The following ZNF385D variants were observed in gnomAD, a reference collection of about 807,000 sequenced individuals.
ZNF385D encodes the protein zinc finger protein 659.
Under a neutral mutation model 35.8 loss-of-function variants are expected in ZNF385D, and 15 were observed. The observed-to-expected ratio is 0.42, with a 90% confidence interval of 0.28 to 0.64. The LOEUF (loss-of-function observed/expected upper bound fraction) is 0.64. Among genes scored for constraint, ZNF385D ranks in the 30% least tolerant of loss-of-function variants. The probability of loss-of-function intolerance (pLI) is 0.23; values close to 1 mark genes in which losing one functional copy is unlikely to be tolerated. For synonymous variants in ZNF385D, 212 were observed against 186.8 expected (o/e 1.13, Z -1.10); for missense variants, 474 against 494.6 (o/e 0.96, Z 0.39).
intron 3 of ZNF385D, among the ~76,000 whole-genome samples, chr3:21,933,087 G>A (rs1401957061): frequency 1.3e-5 from 2 of 152,130 alleles, no homozygotes; most frequent in African/African-American, 4.8e-5. Flanking sequence ...AGCTTCCTGT[G>A]CCATTTCCCT....
At chr3:22,258,766 T>C (rs965678951) in intron 2 of ZNF385D, among the ~76,000 whole-genome samples, 2 of 151,782 alleles carry the variant, frequency 1.3e-5, no homozygotes, top group African/African-American at 4.8e-5. Context: ...TTATAGATTA[T>C]TTGCATGTTA....
intron 2 of ZNF385D, among the ~76,000 whole-genome samples, chr3:21,639,201 CTTTA>C (rs1559480984): frequency 6.6e-6 from 1 of 151,926 alleles, no homozygotes; most frequent in African/African-American, 2.4e-5. Flanking sequence ...CTCTTCCCTG[CTTTA>C]TTTTTTTTCC....
intron 2 of ZNF385D, among the ~76,000 whole-genome samples, chr3:21,612,150 C>T (rs572650797): frequency 4.6e-5 from 7 of 152,286 alleles, no homozygotes; most frequent in African/African-American, 1.7e-4. Flanking sequence ...ATGATCTCGG[C>T]TCAGTGCAAC....
chr3:22,091,912 T>G (rs1208682175), intron 3 of ZNF385D, among the ~76,000 whole-genome samples: 1 of 152,152 alleles, frequency 6.6e-6, no homozygotes, highest in Non-Finnish European at 1.5e-5. Context: ...GGAACTGTGG[T>G]GGAATTTGAG....
At chr3:21,577,654 T>C (rs1316296987) in intron 2 of ZNF385D, among the ~76,000 whole-genome samples, 4 of 152,114 alleles carry the variant, frequency 2.6e-5, no homozygotes, top group Non-Finnish European at 5.9e-5. Flanking sequence ...TTCCTCTTTC[T>C]CCGCAACCTC....
At chr3:21,770,289 G>C (rs1425862713) in intron 3 of ZNF385D, among the ~76,000 whole-genome samples, 2 of 152,114 alleles carry the variant, frequency 1.3e-5, no homozygotes, top group Non-Finnish European at 2.9e-5. Flanking sequence ...ACTACCATCA[G>C]AGTGAACAGG....
chr3:21,738,385 C>T (rs1385710047), intron 1 of ZNF385D, among the ~76,000 whole-genome samples: 1 of 152,192 alleles, frequency 6.6e-6, no homozygotes, highest in Non-Finnish European at 1.5e-5. Context: ...CATTTAAAAA[C>T]AGGAATACTG....
At chr3:22,329,980 A>C (rs1490839504) in intron 2 of ZNF385D, among the ~76,000 whole-genome samples, 2 of 152,160 alleles carry the variant, frequency 1.3e-5, no homozygotes, top group Non-Finnish European at 2.9e-5. Context: ...ATAATAAACA[A>C]CACAGGTTAT....
chr3:21,439,253 C>A (rs1340164785), intron 4 of ZNF385D, among the ~76,000 whole-genome samples: 2 of 147,132 alleles, frequency 1.4e-5, no homozygotes, highest in African/African-American at 5.0e-5. Context: ...ATATTGTGAG[C>A]CCGAGCCAAG....
intron 3 of ZNF385D, among the ~76,000 whole-genome samples, chr3:22,135,528 C>T (rs1233233919): frequency 6.6e-6 from 1 of 152,100 alleles, no homozygotes; most frequent in South Asian, 2.1e-4. Context: ...ATGAAAGACT[C>T]AACATAGTAA....
At chr3:22,088,870 C>T (rs1247057520) in intron 3 of ZNF385D, among the ~76,000 whole-genome samples, 1 of 151,968 alleles carries the variant, frequency 6.6e-6, no homozygotes, top group Admixed American at 6.6e-5. Flanking sequence ...TTGTGTTGCT[C>T]ATATACCTAA....
chr3:21,890,203 A>G (rs562585439), intron 3 of ZNF385D, among the ~76,000 whole-genome samples: 1 of 152,350 alleles, frequency 6.6e-6, no homozygotes, highest in South Asian at 2.1e-4. Flanking sequence ...GAGAGGGAAT[A>G]ATTGATGTAT....
chr3:22,259,919 C>G (rs1170742704), intron 2 of ZNF385D, among the ~76,000 whole-genome samples: 3 of 151,884 alleles, frequency 2.0e-5, no homozygotes, highest in African/African-American at 7.2e-5. Flanking sequence ...CATCAACCTC[C>G]TGCATCCCTA....
At chr3:22,132,580 A>C (rs748052779) in intron 3 of ZNF385D, among the ~76,000 whole-genome samples, 10 of 152,148 alleles carry the variant, frequency 6.6e-5, no homozygotes, top group Admixed American at 2.0e-4. Flanking sequence ...CATATGCCTC[A>C]ATATACTATA....
intron 3 of ZNF385D, among the ~76,000 whole-genome samples, chr3:22,125,553 T>C (rs1405120483): frequency 6.6e-6 from 1 of 152,130 alleles, no homozygotes; most frequent in African/African-American, 2.4e-5. Context: ...AACATTCTAA[T>C]CCATAAACAT....
chr3:21,809,814 A>G (rs996293785), intron 3 of ZNF385D, among the ~76,000 whole-genome samples: 1 of 151,988 alleles, frequency 6.6e-6, no homozygotes, highest in Non-Finnish European at 1.5e-5. Flanking sequence ...GGAAAGAGAG[A>G]GGTACAAAAA....
intron 2 of ZNF385D, among the ~76,000 whole-genome samples, chr3:22,200,674 C>G (rs980277911): frequency 3.3e-5 from 5 of 152,002 alleles, no homozygotes; most frequent in Non-Finnish European, 5.9e-5. Context: ...AGCCTGGGAG[C>G]ACTATGGGAG....
intron 4 of ZNF385D, among the ~76,000 whole-genome samples, chr3:21,453,689 A>T (rs966846379): frequency 6.6e-6 from 1 of 152,058 alleles, no homozygotes; most frequent in African/African-American, 2.4e-5. Flanking sequence ...TAAAAAACTA[A>T]ATTAAAAATA....
At chr3:22,015,733 T>C (rs1181975366) in intron 3 of ZNF385D, among the ~76,000 whole-genome samples, 1 of 152,144 alleles carries the variant, frequency 6.6e-6, no homozygotes, top group Non-Finnish European at 1.5e-5. Context: ...CCATAGTATG[T>C]TCTTTCAGCA....
Sources: gnomAD v4.1 joint callset for allele counts (sites outside exome capture counted in the v4.1 genomes callset) on GRCh38, gnomAD v4.1.1 for gene constraint, MANE v1.5 for transcripts, NCBI Gene and HGNC (gene_info 2026-07-23, HGNC 2026-07-21) for gene names.